The following DNMBP variants were observed in gnomAD, a reference collection of about 807,000 sequenced individuals.
DNMBP encodes dynamin binding protein.
Under a neutral mutation model 150.0 loss-of-function variants are expected in DNMBP, and 87 were observed. The ratio of observed to expected loss-of-function variants is 0.58; its 90% confidence interval spans 0.49 to 0.69. The LOEUF (loss-of-function observed/expected upper bound fraction) is 0.69, where lower values mean the gene tolerates loss of function less well. Ranked by LOEUF, DNMBP falls within the 30% of genes least tolerant of loss-of-function variation. The probability of loss-of-function intolerance (pLI) is 0.00; values close to 1 mark genes in which losing one functional copy is unlikely to be tolerated. For synonymous variants in DNMBP, 711 were observed against 750.4 expected (o/e 0.95, Z 0.86); for missense variants, 1,774 against 1,949.0 (o/e 0.91, Z 1.69).
At chr10:99,918,298 T>G (rs188854918) in intron 4 of DNMBP, among the ~76,000 whole-genome samples, 1 of 152,122 alleles carries the variant, frequency 6.6e-6, no homozygotes, top group Non-Finnish European at 1.5e-5. Flanking sequence ...GCAGGGCTCA[T>G]AGCAGACTTC....
chr10:99,953,560 A>G (rs564907768), intron 4 of DNMBP, among the ~76,000 whole-genome samples: 102 of 152,000 alleles, frequency 6.7e-4, no homozygotes, highest in Admixed American at 1.6e-3. Context: ...TTGGCCAGGC[A>G]TGGTATCCCA....
At position 99,886,546 on chromosome 10, in the gene DNMBP, G is replaced by T. The variant is rs761821490; in HGVS notation, c.3372C>A (p.Arg1124=). The change falls in exon 13 of 17, where the codon CGC becomes CGA. Residue 1124 remains arginine, a synonymous_variant. Transcript: ENST00000324109. ...FTGPHKLVQK[R]FDKLLDFYNC... is the part of the protein sequence containing the mutation. ...TATAGAAGTCCAGGAGCTTGTCAAAGCGTTTCTGTACCAGCTTATGGGGCC... is the reference window on the plus strand; with the variant it reads ...TATAGAAGTCCAGGAGCTTGTCAAATCGTTTCTGTACCAGCTTATGGGGCC... 6.2e-7 allele frequency: 1 copy of T among 1,614,168 alleles called. No homozygotes were observed. The highest frequency in any genetic ancestry group is 2.2e-5 in the East Asian group (1 of 44,888).
In DNMBP at chr10:99,880,274, G is replaced by A; in HGVS notation, c.4085C>T (p.Ser1362Phe). 1 of 1,614,052 alleles carries A rather than the reference G, an allele frequency of 6.2e-7. No individual in the cohort carries two copies. Among genetic ancestry groups the A allele is most frequent in the Non-Finnish European group, 8.5e-7 (1 of 1,180,014 alleles). Reference protein sequence around the residue: ...HSDASVGSHSSTESEHGSSSP... With the variant: ...HSDASVGSHSFTESEHGSSSP... ...GGAGCTGCCGTGCTCAGACTCTGTG[G>A]AGGAGTGGCTACCCACGGAGGCATC... The change falls in exon 16 of 17, where the codon TCC becomes TTC. Residue 1362 changes from serine to phenylalanine, a missense_variant. Ser to Phe is a radical substitution (Grantham distance 155, BLOSUM62 -2). Around this residue, in one of 2 missense-constraint regions of DNMBP, gnomAD observed 1,430 missense variants for 1,492.5 expected, o/e 0.96. Coordinates refer to ENST00000324109, the MANE Select transcript of DNMBP (RefSeq NM_015221.4).
intron 6 of DNMBP, among the ~76,000 whole-genome samples, chr10:99,907,364 AG>A: frequency 1.3e-5 from 2 of 151,298 alleles, no homozygotes; most frequent in Middle Eastern, 7.0e-3. Flanking sequence ...AAAAATTGGT[AG>A]TTAAACTTAC....
At chr10:99,980,685 GTC>G (rs1478081866) in intron 1 of DNMBP, among the ~76,000 whole-genome samples, 5 of 151,936 alleles carry the variant, frequency 3.3e-5, no homozygotes, top group Admixed American at 1.3e-4. Flanking sequence ...GGTGCCTATA[GTC>G]TCAGCTATTC....
intron 1 of DNMBP, among the ~76,000 whole-genome samples, chr10:100,001,418 T>TTG (rs1316973281): frequency 2.1e-5 from 3 of 141,872 alleles, no homozygotes; most frequent in Non-Finnish European, 4.6e-5. Context: ...TTGTTGTTTT[T>TTG]TTTTTTTTTT....
intron 11 of DNMBP, among the ~76,000 whole-genome samples, chr10:99,891,163 T>TC (rs2039550638): frequency 6.8e-6 from 1 of 147,682 alleles, no homozygotes; most frequent in Admixed American, 6.7e-5. Flanking sequence ...CCTCTCCCTC[T>TC]CCCCCTCTCC....
intron 1 of DNMBP, among the ~76,000 whole-genome samples, chr10:99,987,879 T>G (rs1254302845): frequency 6.6e-6 from 1 of 152,248 alleles, no homozygotes; most frequent in Non-Finnish European, 1.5e-5. Context: ...TGATATAAAC[T>G]GGACTACTAA....
At position 99,898,626 on chromosome 10, in the gene DNMBP, A is replaced by G; in HGVS notation, c.2720+117T>C. 2.7e-6 allele frequency: 3 copies of G among 1,105,182 alleles called. No individual in the cohort carries two copies. The South Asian group carries it at 4.0e-5, about 15-fold the overall frequency. The allele number at this position is 1,105,182 out of a possible 1,614,324, so 68.5% of individuals were successfully genotyped here. ...TAAGTGCTACGAAAGAAAACCCAGC[A>G]AGGTGAGTCTACTTCTAGGTTTGTC... is the stretch of plus-strand genomic sequence containing the variant. On this transcript the variant is annotated intron_variant, in intron 8 of 16. Transcript: ENST00000324109.
At chr10:99,900,482 T>C (rs901329435) in intron 6 of DNMBP, among the ~76,000 whole-genome samples, 1 of 151,964 alleles carries the variant, frequency 6.6e-6, no homozygotes, top group Non-Finnish European at 1.5e-5. Context: ...CCCAGGCTCA[T>C]GTATTTGTTT....
intron 1 of DNMBP, among the ~76,000 whole-genome samples, chr10:99,977,753 T>TC (rs2040743314): frequency 6.6e-6 from 1 of 152,214 alleles, no homozygotes; most frequent in Non-Finnish European, 1.5e-5. Flanking sequence ...TATATGAAAC[T>TC]CTTTTTTTAT....
chr10:99,933,554 A>C (rs553223151), intron 4 of DNMBP, among the ~76,000 whole-genome samples: 28 of 152,342 alleles, frequency 1.8e-4, no homozygotes, highest in African/African-American at 5.5e-4. Context: ...ATAATTCTAC[A>C]GCTTTAAGAA....
intron 3 of DNMBP, among the ~76,000 whole-genome samples, chr10:99,964,354 C>A (rs2040595877): frequency 6.6e-6 from 1 of 151,576 alleles, no homozygotes; most frequent in Admixed American, 6.6e-5. Context: ...AAACTCCTGA[C>A]CTCGTGATCC....
intron 4 of DNMBP, among the ~76,000 whole-genome samples, chr10:99,936,340 T>C (rs1263622470): frequency 2.6e-5 from 4 of 152,068 alleles, no homozygotes; most frequent in Non-Finnish European, 4.4e-5. Context: ...AACCTGAAAA[T>C]TGGTTATTTT....
chr10:99,965,027 CAG>C (rs1306823391), intron 3 of DNMBP, among the ~76,000 whole-genome samples: 2 of 152,010 alleles, frequency 1.3e-5, no homozygotes, highest in Non-Finnish European at 2.9e-5. Context: ...TCTCTGAGAA[CAG>C]ACACACAAAA....
At chr10:99,923,396 A>G (rs2040044613) in intron 4 of DNMBP, among the ~76,000 whole-genome samples, 1 of 151,588 alleles carries the variant, frequency 6.6e-6, no homozygotes, top group African/African-American at 2.4e-5. Context: ...CAAAAAAAAT[A>G]ATAATAAAAT....
At chr10:99,933,349 T>G (rs1242183154) in intron 4 of DNMBP, among the ~76,000 whole-genome samples, 1 of 152,150 alleles carries the variant, frequency 6.6e-6, no homozygotes, top group Non-Finnish European at 1.5e-5. Context: ...TTGAACTAAA[T>G]AATCTCTAAA....
At chr10:99,898,721 A>G in intron 8 of DNMBP, 22 bp downstream of exon 8, 3 of 1,613,452 alleles carry the variant, frequency 1.9e-6, no homozygotes, top group Non-Finnish European at 2.5e-6. Flanking sequence ...GAGCGCATAC[A>G]TCAAGCAGCA....
At chr10:99,946,001 G>T (rs1174391029) in intron 4 of DNMBP, among the ~76,000 whole-genome samples, 4 of 152,196 alleles carry the variant, frequency 2.6e-5, no homozygotes, top group Non-Finnish European at 5.9e-5. Context: ...CTGTTGCCCA[G>T]GCTGTAGTGC....
Sources: allele counts gnomAD v4.1 joint callset (sites outside exome capture counted in the v4.1 genomes callset), GRCh38; gene constraint gnomAD v4.1.1; regional missense constraint gnomAD v4.1.1; transcripts MANE v1.5; gene names NCBI Gene and HGNC (gene_info 2026-07-23, HGNC 2026-07-21).